The following TTC34 variants were observed in gnomAD, a reference collection of about 807,000 sequenced individuals.
The protein encoded by TTC34 is tetratricopeptide repeat domain 34.
In TTC34, 44 loss-of-function variants were observed where a neutral mutation model predicts 40.7. The ratio of observed to expected loss-of-function variants is 1.08; its 90% CI spans 0.85 to 1.39. The LOEUF (loss-of-function observed/expected upper bound fraction) is 1.39, where lower values mean the gene tolerates loss of function less well. TTC34 is among the 40% of genes most tolerant of loss of function. The pLI, the probability that TTC34 is intolerant of heterozygous loss-of-function variation, is 0.00. For missense variants in TTC34, 884 were observed against 838.0 expected (o/e 1.05, Z -0.68); for synonymous variants, 422 against 398.6 (o/e 1.06, Z -0.70).
At chr1:2,752,738 A>T (rs1260445180) in intron 6 of TTC34, among the ~76,000 whole-genome samples, 2 of 117,518 alleles carry the variant, frequency 1.7e-5, no homozygotes, top group African/African-American at 7.3e-5. Context: ...CTGCACCCCC[A>T]GGACAGCATC....
intron 6 of TTC34, among the ~76,000 whole-genome samples, chr1:2,777,922 G>A (rs1201752264): frequency 6.6e-6 from 1 of 152,194 alleles, no homozygotes; most frequent in African/African-American, 2.4e-5. Context: ...AGGATCCCTT[G>A]TGGCCACATC....
intron 6 of TTC34, among the ~76,000 whole-genome samples, chr1:2,688,436 A>C (rs1569571893): frequency 6.8e-6 from 1 of 147,624 alleles, no homozygotes; most frequent in African/African-American, 2.6e-5. Context: ...GACAGCCTGG[A>C]GCAGGACCCA....
chr1:2,682,024 A>C, intron 6 of TTC34, among the ~76,000 whole-genome samples: 1 of 98,048 alleles, frequency 1.0e-5, no homozygotes, highest in South Asian at 3.9e-4. Context: ...CAACACCCAT[A>C]CCCACAGGTG....
At chr1:2,651,648 G>A (rs1295386343) in intron 6 of TTC34, among the ~76,000 whole-genome samples, 1 of 151,388 alleles carries the variant, frequency 6.6e-6, no homozygotes, top group East Asian at 2.0e-4. Context: ...ATACCAGGAG[G>A]GCATCTGACA....
chr1:2,752,610 C>A (rs1352265873), intron 6 of TTC34, among the ~76,000 whole-genome samples: 1 of 109,840 alleles, frequency 9.1e-6, no homozygotes, highest in Non-Finnish European at 1.8e-5. Context: ...ACAGGACAAA[C>A]ACCCCCAGGC....
chr1:2,768,413 T>C (rs1379250591), intron 6 of TTC34, among the ~76,000 whole-genome samples: 1 of 150,742 alleles, frequency 6.6e-6, no homozygotes, highest in South Asian at 2.1e-4. Context: ...AACAACACCC[T>C]CCACCCCCAG....
chr1:2,652,768 C>G (rs1208462247), intron 6 of TTC34, among the ~76,000 whole-genome samples: 20 of 152,318 alleles, frequency 1.3e-4, no homozygotes, highest in African/African-American at 4.1e-4. Flanking sequence ...ACCCTGCACC[C>G]CCAGGTGAGC....
chr1:2,748,486 G>C (rs1236444476), intron 6 of TTC34, among the ~76,000 whole-genome samples: 4 of 132,396 alleles, frequency 3.0e-5, no homozygotes, highest in African/African-American at 8.1e-5. Flanking sequence ...CACATCCCCG[G>C]GTGAGCATCC....
At chr1:2,765,738 C>G (rs1641769302) in intron 6 of TTC34, among the ~76,000 whole-genome samples, 9 of 48,984 alleles carry the variant, frequency 1.8e-4, no homozygotes, top group South Asian at 1.0e-3. Context: ...ATCTGACAGC[C>G]TGGAGCAGCG....
chr1:2,696,366 G>T (rs1640865878), intron 6 of TTC34, among the ~76,000 whole-genome samples: 1 of 136,314 alleles, frequency 7.3e-6, no homozygotes, highest in East Asian at 2.2e-4. Flanking sequence ...ACCCCCAGGC[G>T]AGGATCGGAC....
At chr1:2,762,165 C>G (rs1641699418) in intron 6 of TTC34, among the ~76,000 whole-genome samples, 1 of 63,232 alleles carries the variant, frequency 1.6e-5, no homozygotes, top group Non-Finnish European at 2.8e-5. Context: ...GGAGCAGCGC[C>G]CACACCCCCA....
At chr1:2,688,848 TG>T (rs1215359555) in intron 6 of TTC34, among the ~76,000 whole-genome samples, 2 of 26,774 alleles carry the variant, frequency 7.5e-5, no homozygotes. Context: ...AACAGCACCC[TG>T]CACCCCCAGG....
At chr1:2,641,268 C>T (rs1219425459) in exon 9 of TTC34, 1 of 1,342,888 alleles carries the variant, frequency 7.4e-7, no homozygotes, top group Non-Finnish European at 9.8e-7. Context: ...AGGGCAGGTA[C>T]CTCCCCGATT....
At chr1:2,791,063 G>C (rs923027810) in intron 2 of TTC34, among the ~76,000 whole-genome samples, 1 of 152,196 alleles carries the variant, frequency 6.6e-6, no homozygotes, top group Non-Finnish European at 1.5e-5. Flanking sequence ...GAAGGGGCCT[G>C]GTGCATCGTG....
At chr1:2,698,534 GTGAGCAT>G (rs1640973270) in intron 6 of TTC34, among the ~76,000 whole-genome samples, 2 of 134,644 alleles carry the variant, frequency 1.5e-5, no homozygotes, top group African/African-American at 2.9e-5. Flanking sequence ...ACACCCCCAG[GTGAGCAT>G]CGGGCAGCCT....
intron 6 of TTC34, among the ~76,000 whole-genome samples, chr1:2,655,572 A>T (rs1217059411): frequency 6.2e-5 from 8 of 128,470 alleles, no homozygotes; most frequent in African/African-American, 1.8e-4. Context: ...AGCTCTCACA[A>T]CCCCAGGTTA....
chr1:2,787,422 C>CT (rs1373563823), intron 4 of TTC34, 59 bp downstream of exon 4: 40 of 1,412,836 alleles, frequency 2.8e-5, no homozygotes, highest in Non-Finnish European at 2.1e-5. Flanking sequence ...GAGGCCTGTG[C>CT]CCTCTTCCCA....
chr1:2,656,360 G>T (rs1390154623), intron 6 of TTC34, among the ~76,000 whole-genome samples: 3 of 145,014 alleles, frequency 2.1e-5, no homozygotes, highest in African/African-American at 2.6e-5. Flanking sequence ...CTGACAGCCT[G>T]GAACAGCACC....
chr1:2,760,074 G>A (rs1169590779), intron 6 of TTC34, among the ~76,000 whole-genome samples: 5 of 49,902 alleles, frequency 1.0e-4, no homozygotes, highest in South Asian at 9.9e-4. Flanking sequence ...CTGGAGCAGT[G>A]CCCACACCCC....
Sources: gnomAD v4.1 joint callset for allele counts (sites outside exome capture counted in the v4.1 genomes callset) on GRCh38, gnomAD v4.1.1 for gene constraint, MANE v1.5 for transcripts, NCBI Gene and HGNC (gene_info 2026-07-23, HGNC 2026-07-21) for gene names.